Variants in SLC35D1 observed in about 807,000 individuals in gnomAD.
SLC35D1 encodes the protein solute carrier family 35 member D1.
In SLC35D1, 31 loss-of-function variants were observed where a neutral mutation model predicts 46.7. The ratio of observed to expected loss-of-function variants is 0.66; its 90% CI spans 0.50 to 0.90. SLC35D1 has a LOEUF of 0.90. SLC35D1 is among the 40% of genes least tolerant of loss of function. The pLI, the probability that SLC35D1 is intolerant of heterozygous loss-of-function variation, is 0.00. For synonymous variants in SLC35D1, 195 were observed against 164.6 expected, an observed-to-expected ratio of 1.18 and a Z score of -1.41; for missense variants, 397 against 426.2, an observed-to-expected ratio of 0.93 and a Z score of 0.60.
intron 8 of SLC35D1, among the ~76,000 whole-genome samples, chr1:67,027,452 T>C (rs1331214075): frequency 1.7e-4 from 26 of 152,140 alleles, no homozygotes; most frequent in Non-Finnish European, 5.9e-5. Flanking sequence ...TTATTCTTCC[T>C]TCTTAAAAGA....
chr1:67,021,746 C>T (rs901381689), intron 8 of SLC35D1, 144 bp from the exon 9 acceptor site: 9 of 714,818 alleles, frequency 1.3e-5, no homozygotes, highest in East Asian at 2.8e-5. Context: ...CACACACACA[C>T]ACACACACAC....
intron 4 of SLC35D1, among the ~76,000 whole-genome samples, chr1:67,050,904 G>A (rs981286096): frequency 5.3e-5 from 8 of 152,038 alleles, no homozygotes; most frequent in Non-Finnish European, 1.2e-4. Context: ...TCCTTTTGTG[G>A]ATGTAATTTT....
At chr1:66,986,160 CTT>C in the SLC35D1 span, 1 of 1,191,892 alleles carries the variant, frequency 8.4e-7, no homozygotes. Context: ...ACTTTTCAAA[CTT>C]TTCTAGTTAC....
rs150446250 is a variant in SLC35D1, at chr1:67,036,176, C to T, written c.729+6060G>A. Among the ~76,000 whole-genome samples the T allele has an allele frequency of 3.5e-4, 54 of 152,172 alleles. No individual in the cohort carries two copies. The East Asian group carries it at 0.01, about 29-fold the overall frequency. On this transcript the variant is annotated intron_variant, in intron 8 of 11. Coordinates refer to ENST00000235345, the MANE Select transcript of SLC35D1 (RefSeq NM_015139.3). ...CCTGCAGCCACTGGACGAAATGTTC[C>T]GTAAATATCTATTAGACCCATTTGG...
At chr1:66,995,498 G>A (rs1264636956), downstream of SLC35D1, among the ~76,000 whole-genome samples, 1 of 124,678 alleles carries the variant, frequency 8.0e-6, no homozygotes, top group African/African-American at 2.8e-5. Context: ...CAAAACCTCT[G>A]TCTTCATAGA....
the SLC35D1 span, among the ~76,000 whole-genome samples, chr1:66,978,184 A>G: frequency 6.7e-6 from 1 of 149,620 alleles, no homozygotes; most frequent in Non-Finnish European, 1.5e-5. Flanking sequence ...CAACAGAGCG[A>G]AACTCCATCT....
At chr1:66,997,579 ACAC>A (rs1667255277), downstream of SLC35D1, among the ~76,000 whole-genome samples, 402 of 141,128 alleles carry the variant, frequency 2.8e-3, 1 homozygote, top group African/African-American at 9.7e-3. Flanking sequence ...GTATATATAT[ACAC>A]ACACAGATAT....
rs2102220641 is a variant in SLC35D1 at position 67,001,939 on chromosome 1, A to T, written c.*2401T>A. On this transcript the variant is annotated 3_prime_UTR_variant, in exon 12 of 12. Transcript: ENST00000235345. The stretch of plus-strand genomic sequence containing the variant: ...TGTCACGTGCATTTAGTGAAGCTGT[A>T]ACTACACAATGTTCTCAAATACTCC... 6.6e-6 allele frequency: 1 copy of T among 152,482 alleles called. No homozygotes were observed. 9.4% of individuals were successfully genotyped at this position (152,482 alleles called of 1,614,324 possible).
chr1:67,021,718 GACACAGACACACAC>G (rs1233912417), intron 8 of SLC35D1, 116 bp from the exon 9 acceptor site: 31 of 450,026 alleles, frequency 6.9e-5, no homozygotes, highest in African/African-American at 4.4e-5. Flanking sequence ...CACAGACACA[GACACAGACACACAC>G]ACACACACAC....
chr1:67,050,385 C>G, intron 5 of SLC35D1, 48 bp downstream of exon 5: 2 of 1,401,378 alleles, frequency 1.4e-6, no homozygotes, highest in African/African-American at 1.4e-5. Flanking sequence ...ATGCTGGGCA[C>G]CTTTTCAAGG....
chr1:67,021,712 G>GACACACAC (rs1238454225), intron 8 of SLC35D1, 110 bp from the exon 9 acceptor site: 98 of 353,478 alleles, frequency 2.8e-4, no homozygotes, highest in African/African-American at 2.6e-3. Context: ...CACAGACACA[G>GACACACAC]ACACAGACAC....
At chr1:66,976,245 A>ACC in the SLC35D1 span, among the ~76,000 whole-genome samples, 18 of 151,138 alleles carry the variant, frequency 1.2e-4, no homozygotes, top group Middle Eastern at 3.2e-3. Flanking sequence ...CTCGTGATCC[A>ACC]CCCCCCTTGG....
the SLC35D1 span, among the ~76,000 whole-genome samples, chr1:66,981,487 A>G: frequency 6.6e-6 from 1 of 152,158 alleles, no homozygotes. Context: ...GAGATCTTCC[A>G]GTTCTAGTTG....
chr1:67,023,019 T>A lies in SLC35D1; in HGVS notation c.730-1417A>T, dbSNP rs932582098. On this transcript the variant is annotated intron_variant, in intron 8 of 11. Coordinates refer to ENST00000235345, the MANE Select transcript of SLC35D1 (RefSeq NM_015139.3). The stretch of plus-strand genomic sequence containing the variant: ...TATGTATGTATCAGTAATTCATTCA[T>A]TTTTATTGCCAATTAGTATTCTATC... 5.9e-5 allele frequency among the ~76,000 whole-genome samples: 9 copies of A among 152,346 alleles called. 1 individual carries two copies. The highest frequency in any genetic ancestry group is 5.2e-4 in the Admixed American group (8 of 15,304).
intron 1 of SLC35D1, 28 bp downstream of exon 1, chr1:67,053,783 G>A (rs1308445781): frequency 1.3e-6 from 2 of 1,539,654 alleles, no homozygotes; most frequent in East Asian, 2.7e-5. Context: ...CTCCTCCGCG[G>A]CCTGGGCCGC....
chr1:67,051,471 G>A (rs1192350524), intron 4 of SLC35D1, among the ~76,000 whole-genome samples: 1 of 152,194 alleles, frequency 6.6e-6, no homozygotes, highest in African/African-American at 2.4e-5. Context: ...ATGGAGAGGA[G>A]AGCTATTGCT....
chr1:67,034,562 AT>A (rs1668084625), intron 8 of SLC35D1, among the ~76,000 whole-genome samples: 1 of 152,130 alleles, frequency 6.6e-6, no homozygotes, highest in Admixed American at 6.5e-5. Flanking sequence ...ATTTTAGTGA[AT>A]TTATCAGTTC....
At chr1:67,041,402 A>C (rs1668238599) in intron 8 of SLC35D1, among the ~76,000 whole-genome samples, 1 of 152,194 alleles carries the variant, frequency 6.6e-6, no homozygotes, top group African/African-American at 2.4e-5. Context: ...GAACAATTTA[A>C]TAGTCCAACA....
chr1:67,036,733 T>C (rs971313280), intron 8 of SLC35D1, among the ~76,000 whole-genome samples: 1 of 151,078 alleles, frequency 6.6e-6, no homozygotes, highest in African/African-American at 2.4e-5. Context: ...TCTTTTTTTA[T>C]CCATTTAGCT....
Sources: gnomAD v4.1 joint callset for allele counts (sites outside exome capture counted in the v4.1 genomes callset) on GRCh38, gnomAD v4.1.1 for gene constraint, MANE v1.5 for transcripts, NCBI Gene and HGNC (gene_info 2026-07-23, HGNC 2026-07-21) for gene names.